Variants in CFAP46 observed in about 807,000 individuals in gnomAD.
CFAP46 encodes cilia- and flagella-associated protein 46.
A neutral mutation model predicts 325.7 loss-of-function variants in CFAP46; 245 were observed. That is an observed-to-expected ratio of 0.75 (90% CI 0.68 to 0.84). The LOEUF (loss-of-function observed/expected upper bound fraction) is 0.84. CFAP46 is among the 40% of genes least tolerant of loss of function. The pLI, the probability that CFAP46 is intolerant of heterozygous loss-of-function variation, is 0.00. For missense variants in CFAP46, 3,346 were observed against 3,543.0 expected, an observed-to-expected ratio of 0.94 and a Z score of 1.41; for synonymous variants, 1,523 against 1,495.9, an observed-to-expected ratio of 1.02 and a Z score of -0.42.
In CFAP46 at chr10:132,827,649, G is replaced by A. The variant is rs1277798220; in HGVS notation, c.7117+5709C>T. Among the ~76,000 whole-genome samples the A allele has an allele frequency of 3.9e-5, 6 of 152,002 alleles. No individual in the cohort carries two copies. The highest frequency in any genetic ancestry group is 4.4e-5 in the Non-Finnish European group (3 of 68,016). ...GCATTTAAAGTGAGCAACGTGACGGGACTGGACGCTGCACGCCAGCAAGTC... is the reference window on the plus strand; with the variant it reads ...GCATTTAAAGTGAGCAACGTGACGGAACTGGACGCTGCACGCCAGCAAGTC... On this transcript the variant is annotated intron_variant, in intron 50 of 57. Coordinates refer to ENST00000368586, the MANE Select transcript of CFAP46 (RefSeq NM_001200049.3). The surrounding 1 kb of genome is among the most constrained non-coding windows in gnomAD (Gnocchi z 5.7).
intron 39 of CFAP46, among the ~76,000 whole-genome samples, chr10:132,851,530 A>T (rs1217012590): frequency 6.6e-6 from 1 of 152,136 alleles, no homozygotes; most frequent in African/African-American, 2.4e-5. Context: ...GCGTCCCCTC[A>T]TGTTCCCTCC....
chr10:132,916,091 TTC>T (rs1849633146), intron 17 of CFAP46, among the ~76,000 whole-genome samples: 1 of 152,212 alleles, frequency 6.6e-6, no homozygotes, highest in African/African-American at 2.4e-5. Context: ...ACAAGGCGTT[TTC>T]GAGGCCAAGG....
chr10:132,926,806 T>C (rs1849817788), intron 9 of CFAP46, 140 bp from the exon 10 acceptor site: 1 of 689,012 alleles, frequency 1.5e-6, no homozygotes, highest in African/African-American at 1.8e-5. Flanking sequence ...CAAAGACACC[T>C]ATGACGCAGA....
At chr10:132,829,083 CA>C (rs58493058) in intron 50 of CFAP46, among the ~76,000 whole-genome samples, 7,910 of 118,424 alleles carry the variant, frequency 0.067, 338 homozygotes, top group African/African-American at 0.17. Context: ...TTAACTTCTA[CA>C]AAAAAAAAAA....
intron 19 of CFAP46, among the ~76,000 whole-genome samples, chr10:132,910,900 C>T (rs531629504): frequency 5.8e-4 from 89 of 152,328 alleles, no homozygotes; most frequent in African/African-American, 1.9e-3. Flanking sequence ...CCTGACTCCC[C>T]GTGCGGTTGT....
chr10:132,835,562 C>G, intron 46 of CFAP46, 128 bp from the exon 47 acceptor site: 3 of 1,229,590 alleles, frequency 2.4e-6, no homozygotes, highest in Non-Finnish European at 3.4e-6. Context: ...AAGTCCCTTC[C>G]TTCATGTGGG....
rs41306417 is a variant in CFAP46 at position 132,941,737 on chromosome 10, C to A, written c.175-15G>T. The A allele has an allele frequency of 0.051, 82,857 of 1,613,586 alleles. 2,518 individuals are homozygous for A. The highest frequency in any genetic ancestry group is 0.12 in the Middle Eastern group (719 of 6,060). On this transcript the variant is annotated splice_polypyrimidine_tract_variant and intron_variant, in intron 2 of 57. Transcript: ENST00000368586. ...GGCTGCCTCATCTGCAAGAGAACAC[C>A]ACCACAGAAGATCACAGACCCGGAG...
rs145134201 is a variant in CFAP46 at position 132,836,852 on chromosome 10, G to T, written c.6501C>A (p.Thr2167=). 2 of 1,613,788 alleles carry T rather than the reference G, an allele frequency of 1.2e-6. No homozygotes were observed. Among genetic ancestry groups the T allele is most frequent in the African/African-American group, 2.7e-5 (2 of 74,950 alleles). The change falls in exon 45 of 58, where the codon ACC becomes ACA. Residue 2167 remains threonine (T), a synonymous_variant. Transcript: ENST00000368586. ...HFNLLNEMPP[T]FWILFLHLSG... ...AGAGGTGCAGAAAGAGGATCCAAAAGGTCGGAGGCATCTCATTCAAGAGGT... is the reference window on the plus strand; with the variant it reads ...AGAGGTGCAGAAAGAGGATCCAAAATGTCGGAGGCATCTCATTCAAGAGGT...
intron 33 of CFAP46, among the ~76,000 whole-genome samples, chr10:132,868,558 G>A (rs1848851161): frequency 6.6e-6 from 1 of 152,362 alleles, no homozygotes; most frequent in East Asian, 1.9e-4. Flanking sequence ...AGGGTATAGA[G>A]AGCTTAATTC....
intron 44 of CFAP46, 199 bp from the exon 45 acceptor site, chr10:132,837,113 G>T (rs991851923): frequency 5.8e-6 from 3 of 519,290 alleles, no homozygotes; most frequent in South Asian, 2.7e-5. Context: ...GCAGAGGCAC[G>T]CAAGAGTCAC....
At chr10:132,871,268 G>A (rs749679927) in intron 32 of CFAP46, among the ~76,000 whole-genome samples, 7 of 152,210 alleles carry the variant, frequency 4.6e-5, no homozygotes, top group Admixed American at 2.0e-4. Flanking sequence ...ACAAGGAGAC[G>A]AATGCCTTCT....
chr10:132,905,450 C>CTTT (rs71013581), intron 22 of CFAP46, among the ~76,000 whole-genome samples: 11,320 of 129,734 alleles, frequency 0.087, 1,304 homozygotes, highest in African/African-American at 0.27. Context: ...CATATCTTTC[C>CTTT]TTTTTTTTTT....
intron 3 of CFAP46, 33 bp from the exon 4 acceptor site, chr10:132,941,093 A>C (rs1416143901): frequency 6.2e-7 from 1 of 1,610,286 alleles, no homozygotes; most frequent in Non-Finnish European, 8.5e-7. Context: ...AATTAGACCG[A>C]AATACTGACC....
chr10:132,814,445 A>C lies in CFAP46; in HGVS notation c.7285+132T>G, dbSNP rs1338636025. Reference sequence around the variant, plus strand: ...TCAACAAATTAAAATATTTACAGCCAAAATGGGGCAAGCACATATGCAGAT... The same window carrying C: ...TCAACAAATTAAAATATTTACAGCCCAAATGGGGCAAGCACATATGCAGAT... On this transcript the variant is annotated intron_variant, in intron 53 of 57. Coordinates refer to ENST00000368586, the MANE Select transcript of CFAP46 (RefSeq NM_001200049.3). 9.7e-6 allele frequency: 12 copies of C among 1,240,828 alleles called. No individual in the cohort carries two copies. The South Asian group carries it at 1.6e-4, about 17-fold the overall frequency. The allele number at this position is 1,240,828 out of a possible 1,614,324, so 76.9% of individuals were successfully genotyped here.
In CFAP46 at chr10:132,828,034, G is replaced by A. The variant is rs1169923073; in HGVS notation, c.7117+5324C>T. The stretch of plus-strand genomic sequence containing the variant: ...ACGCACCAACAGCTCGCCCCTCATT[G>A]CCGGGCAGGACCCCACCACGTGGCC... On this transcript the variant is annotated intron_variant, in intron 50 of 57. Coordinates refer to ENST00000368586, the MANE Select transcript of CFAP46 (RefSeq NM_001200049.3). This position sits in a 1 kb window ranked among gnomAD's most constrained non-coding sequence, Gnocchi z 4.9. 6.6e-6 allele frequency among the ~76,000 whole-genome samples: 1 copy of A among 152,112 alleles called. No individual in the cohort carries two copies. The highest frequency in any genetic ancestry group is 1.5e-5 in the Non-Finnish European group (1 of 68,012).
intron 1 of CFAP46, 64 bp downstream of exon 1, chr10:132,942,372 G>C (rs908421177): frequency 6.7e-6 from 9 of 1,342,758 alleles, no homozygotes; most frequent in Non-Finnish European, 6.7e-6. Context: ...GCCTCCCCGG[G>C]GCGGGGGTCG....
At chr10:132,937,091 C>A in intron 6 of CFAP46, 36 bp from the exon 7 acceptor site, 2 of 1,302,920 alleles carry the variant, frequency 1.5e-6, no homozygotes, top group South Asian at 1.7e-5. Flanking sequence ...AATCTGGATT[C>A]AAACAATTCG....
In CFAP46 at chr10:132,908,462, A is replaced by G. The variant is rs1008215484; in HGVS notation, c.2924+6T>C. On this transcript the variant is annotated splice_donor_region_variant and intron_variant, in intron 22 of 57. Coordinates refer to ENST00000368586, the MANE Select transcript of CFAP46 (RefSeq NM_001200049.3). ...GGGAATTTGTCCAGTCATGAGGGTT[A>G]CTTACGGCCCAAATTTCTTCAGGTA... The G allele has an allele frequency of 7.7e-6, 12 of 1,550,444 alleles. No homozygotes were observed. The highest frequency in any genetic ancestry group is 1.4e-5 in the African/African-American group (1 of 73,166).
rs143790683 is a variant in CFAP46, at chr10:132,810,451, G to A, written c.7622C>T (p.Ala2541Val). ...TCGCCACTCATCTTCTGAAGGAGAC[G>A]CACTGTTTCTCCAATTGGCTTCCCA... ...GRWEANWRNS[A>V]SPSEDEWRRG... The change falls in exon 57 of 58, where the codon GCG (alanine) becomes GTG (valine). Residue 2541 changes from alanine (A) to valine (V), a missense_variant. Transcript: ENST00000368586. 1.5e-5 allele frequency: 24 copies of A among 1,613,446 alleles called. No individual in the cohort carries two copies. The highest frequency in any genetic ancestry group is 5.3e-5 in the African/African-American group (4 of 74,910).
Sources: allele counts gnomAD v4.1 joint callset (sites outside exome capture counted in the v4.1 genomes callset), GRCh38; gene constraint gnomAD v4.1.1; non-coding constraint Gnocchi (gnomAD v3.1); transcripts MANE v1.5; gene names NCBI Gene and HGNC (gene_info 2026-07-23, HGNC 2026-07-21).